The following AAK1 variants were observed in gnomAD, a reference collection of about 807,000 sequenced individuals.
AAK1 encodes the protein AP2 associated kinase 1.
In AAK1, 37 loss-of-function variants were observed where a neutral mutation model predicts 116.0. The ratio of observed to expected loss-of-function variants is 0.32; its 90% CI spans 0.25 to 0.42. The LOEUF (loss-of-function observed/expected upper bound fraction) is 0.42. Among genes scored for constraint, AAK1 ranks in the 10% least tolerant of loss-of-function variants. AAK1 has a pLI of 1.00. For missense variants in AAK1, 919 were observed against 1,170.6 expected (o/e 0.79, Z 3.14); for synonymous variants, 458 against 439.9 (o/e 1.04, Z -0.51).
At chr2:69,566,694 G>A (rs899655425) in intron 2 of AAK1, among the ~76,000 whole-genome samples, 4 of 152,182 alleles carry the variant, frequency 2.6e-5, no homozygotes, top group Non-Finnish European at 4.4e-5. Flanking sequence ...TTTGGCAAGA[G>A]TCTCCCTCCT....
intron 2 of AAK1, among the ~76,000 whole-genome samples, chr2:69,629,426 T>C (rs1675062133): frequency 6.6e-6 from 1 of 152,236 alleles, no homozygotes; most frequent in Admixed American, 6.5e-5. Context: ...CCTATATCTC[T>C]ACTTTTGAGA....
intron 2 of AAK1, among the ~76,000 whole-genome samples, chr2:69,592,738 C>T (rs529744649): frequency 1.9e-4 from 29 of 152,252 alleles, no homozygotes; most frequent in South Asian, 2.1e-4. Flanking sequence ...ACAGTTCTAC[C>T]CTGAGATTCA....
chr2:69,519,674 A>G (rs1048648899), intron 11 of AAK1, among the ~76,000 whole-genome samples: 1 of 152,210 alleles, frequency 6.6e-6, no homozygotes, highest in African/African-American at 2.4e-5. Context: ...TGGCCACCAA[A>G]TTCACCAAAA....
intron 12 of AAK1, among the ~76,000 whole-genome samples, chr2:69,515,541 G>A (rs150084196): frequency 1.2e-4 from 19 of 152,088 alleles, no homozygotes; most frequent in African/African-American, 4.6e-4. Context: ...TGTTGCCCAG[G>A]CTGTCTCGAC....
chr2:69,578,599 A>T (rs985814683), intron 2 of AAK1, among the ~76,000 whole-genome samples: 111 of 152,150 alleles, frequency 7.3e-4, no homozygotes, highest in African/African-American at 2.5e-3. Context: ...TGAAGTCCTA[A>T]AACGTCCCAA....
chr2:69,642,970 C>A lies in AAK1; in HGVS notation c.71G>T (p.Gly24Val), dbSNP rs569262941. 3 of 1,613,230 alleles carry A rather than the reference C, an allele frequency of 1.9e-6. No homozygotes were observed. In the South Asian group the frequency reaches 3.3e-5, roughly 18 times the overall value. ...ACTGCCCAGGCCCGAGGTGCTGCCCCCTCCTCCGCTGGAGCCGGAGCCCAG... is the reference window on the plus strand; with the variant it reads ...ACTGCCCAGGCCCGAGGTGCTGCCCACTCCTCCGCTGGAGCCGGAGCCCAG... ...SGLGSGSSGGGGSTSGLGSGY... is the reference protein window; with the variant it reads ...SGLGSGSSGGVGSTSGLGSGY... The change falls in exon 2 of 22, where the codon GGG (glycine) becomes GTG (valine). Residue 24 changes from glycine to valine, a missense_variant. Gly to Val is a moderately radical substitution (Grantham distance 109). This residue lies in a region of AAK1 where 317 missense variants were observed against 490.4 expected (regional missense o/e 0.65). Coordinates refer to ENST00000409085, the MANE Select transcript of AAK1 (RefSeq NM_014911.5).
rs1003184818 is a variant in AAK1, at chr2:69,468,710, T to C, written c.*7159A>G. On this transcript the variant is annotated 3_prime_UTR_variant, in exon 22 of 22. Coordinates refer to ENST00000409085, the MANE Select transcript of AAK1 (RefSeq NM_014911.5). ...AGACTGGCAAAAAAGCAGCTATCTA[T>C]TGAACCAGGGGCACTTTGGATGCCT... 3.0e-6 allele frequency: 3 copies of C among 985,296 alleles called. No homozygotes were observed. Among genetic ancestry groups the C allele is most frequent in the African/African-American group, 1.7e-5 (1 of 57,222 alleles). 61.0% of individuals were successfully genotyped at this position (985,296 alleles called of 1,614,324 possible).
chr2:69,550,463 C>T (rs895297420), intron 3 of AAK1, among the ~76,000 whole-genome samples: 1 of 152,042 alleles, frequency 6.6e-6, no homozygotes, highest in Non-Finnish European at 1.5e-5. Flanking sequence ...CACCACCATG[C>T]TCAGCTAATT....
chr2:69,527,539 A>T (rs572277686), intron 8 of AAK1, among the ~76,000 whole-genome samples: 17 of 152,340 alleles, frequency 1.1e-4, no homozygotes, highest in Admixed American at 2.6e-4. Context: ...TATAGATTGT[A>T]ACAAAGATAC....
intron 2 of AAK1, among the ~76,000 whole-genome samples, chr2:69,606,985 G>T (rs1314980798): frequency 2.0e-5 from 3 of 147,624 alleles, no homozygotes; most frequent in Non-Finnish European, 4.5e-5. Flanking sequence ...AGGATGGCTT[G>T]AGCCCAAGAG....
Position 69,466,060 on chromosome 2 carries a change from T to C in AAK1, c.*9809A>G. The C allele has an allele frequency of 1.5e-6, 2 of 1,290,948 alleles. No homozygotes were observed. Among genetic ancestry groups the C allele is most frequent in the Non-Finnish European group, 2.0e-6 (2 of 988,886 alleles). 80.0% of individuals were successfully genotyped at this position (1,290,948 alleles called of 1,614,324 possible). A position where few individuals can be genotyped will look rare whatever the true frequency, so the allele number is the denominator to read the frequency against. ...CTGCTCTTGGAGACAAATGGGGCTT[T>C]GGAGAAAATGTCCATGTCATCATTT... is the stretch of plus-strand genomic sequence containing the variant. On this transcript the variant is annotated 3_prime_UTR_variant, in exon 22 of 22. Coordinates refer to ENST00000409085, the MANE Select transcript of AAK1 (RefSeq NM_014911.5).
chr2:69,637,486 A>G (rs1354071650), intron 2 of AAK1, among the ~76,000 whole-genome samples: 3 of 152,196 alleles, frequency 2.0e-5, no homozygotes, highest in Non-Finnish European at 2.9e-5. Context: ...CTCCCAATTC[A>G]TAATGCAGTG....
At chr2:69,581,417 G>T (rs572392140) in intron 2 of AAK1, among the ~76,000 whole-genome samples, 2 of 152,176 alleles carry the variant, frequency 1.3e-5, no homozygotes, top group Non-Finnish European at 2.9e-5. Context: ...TTTAAAAACA[G>T]TGCACTACAA....
At chr2:69,638,742 G>A (rs968728757) in intron 2 of AAK1, among the ~76,000 whole-genome samples, 3 of 151,488 alleles carry the variant, frequency 2.0e-5, no homozygotes, top group African/African-American at 7.3e-5. Context: ...CATCTGCTGG[G>A]CAATTTCTAT....
intron 2 of AAK1, among the ~76,000 whole-genome samples, chr2:69,564,801 G>A (rs1031572039): frequency 3.3e-5 from 5 of 152,078 alleles, no homozygotes; most frequent in African/African-American, 1.2e-4. Flanking sequence ...CTAGGTCATA[G>A]TCCTTCAATC....
At chr2:69,556,173 G>A (rs1671378422) in intron 3 of AAK1, among the ~76,000 whole-genome samples, 1 of 152,154 alleles carries the variant, frequency 6.6e-6, no homozygotes, top group South Asian at 2.1e-4. Flanking sequence ...TATATACCCT[G>A]TGTAACCACT....
chr2:69,643,312 A>G, intron 1 of AAK1, 38 bp from the exon 2 acceptor site: 4 of 1,341,748 alleles, frequency 3.0e-6, no homozygotes, highest in Non-Finnish European at 3.8e-6. Context: ...ATGAATCAGT[A>G]ACACGCTTAA....
At chr2:69,477,072 ATC>A in intron 20 of AAK1, 82 bp from the exon 21 acceptor site, 2 of 881,336 alleles carry the variant, frequency 2.3e-6, no homozygotes, top group Non-Finnish European at 3.6e-6. Context: ...AGGCACAAAG[ATC>A]TCAACTGTAC....
At chr2:69,572,024 C>A (rs1372003083) in intron 2 of AAK1, among the ~76,000 whole-genome samples, 1 of 152,166 alleles carries the variant, frequency 6.6e-6, no homozygotes. Context: ...AAAAGCCCAG[C>A]CACAGACAAA....
Sources: gnomAD v4.1 joint callset for allele counts (sites outside exome capture counted in the v4.1 genomes callset) on GRCh38, gnomAD v4.1.1 for gene constraint, gnomAD v4.1.1 regional missense constraint, MANE v1.5 for transcripts, NCBI Gene and HGNC (gene_info 2026-07-23, HGNC 2026-07-21) for gene names.